Variants in RTN1 observed in about 807,000 individuals in gnomAD.
The protein encoded by RTN1 is reticulon-1.
Under a neutral mutation model 65.5 loss-of-function variants are expected in RTN1, and 25 were observed. The observed-to-expected ratio is 0.38, with a 90% confidence interval of 0.28 to 0.53. The LOEUF is 0.53. RTN1 is among the 20% of genes least tolerant of loss of function. RTN1 has a pLI of 0.79. For synonymous variants in RTN1, 471 were observed against 447.6 expected, an observed-to-expected ratio of 1.05 and a Z score of -0.66; for missense variants, 983 against 1,025.4, an observed-to-expected ratio of 0.96 and a Z score of 0.57.
chr14:59,745,719 G>A lies in RTN1; in HGVS notation c.1004C>T (p.Ser335Phe). The A allele has an allele frequency of 1.2e-6, 2 of 1,603,490 alleles. No individual in the cohort carries two copies. Among genetic ancestry groups the A allele is most frequent in the Non-Finnish European group, 8.5e-7 (1 of 1,176,236 alleles). ...DDSPGSITPP[S>F]SGTEPSAAES... ...AACAGGGCCTTTACCTGTTCCAGAAGATGGAGGGGTGATAGATCCTGGGCT... is the reference window on the plus strand; with the variant it reads ...AACAGGGCCTTTACCTGTTCCAGAAAATGGAGGGGTGATAGATCCTGGGCT... Residue 335 changes from serine to phenylalanine, a missense_variant, in exon 2 of 9, where the codon TCT becomes TTT. Around this residue, in one of 2 missense-constraint regions of RTN1, gnomAD observed 818 missense variants for 801.8 expected, o/e 1.02. Coordinates refer to ENST00000267484, the MANE Select transcript of RTN1 (RefSeq NM_021136.3).
In RTN1 at chr14:59,794,304, A is replaced by C. The variant is rs1398172396; in HGVS notation, c.242-47823T>G. Among the ~76,000 whole-genome samples the C allele has an allele frequency of 6.6e-6, 1 of 152,208 alleles. No homozygotes were observed. Among genetic ancestry groups the C allele is most frequent in the African/African-American group, 2.4e-5 (1 of 41,462 alleles). ...TTGAGTGTTAACAGAAACACGTCTAACCCAAGTATATTGTTAACTTATAGA... is the reference window on the plus strand; with the variant it reads ...TTGAGTGTTAACAGAAACACGTCTACCCCAAGTATATTGTTAACTTATAGA... On this transcript the variant is annotated intron_variant, in intron 1 of 8. Transcript: ENST00000267484. This position sits in a 1 kb window ranked among gnomAD's most constrained non-coding sequence, Gnocchi z 5.1.
intron 8 of RTN1, among the ~76,000 whole-genome samples, chr14:59,597,498 G>A (rs755706632): frequency 1.4e-4 from 21 of 152,224 alleles, no homozygotes; most frequent in Non-Finnish European, 8.8e-5. Context: ...AGCTTATCGT[G>A]CAGATTTTGA....
At chr14:59,782,312 T>A (rs1295572942) in intron 1 of RTN1, among the ~76,000 whole-genome samples, 1 of 152,194 alleles carries the variant, frequency 6.6e-6, no homozygotes, top group Non-Finnish European at 1.5e-5. Context: ...ATGAAGGCAT[T>A]GTTACTGGAA....
intron 3 of RTN1, among the ~76,000 whole-genome samples, chr14:59,626,786 A>G (rs1882412039): frequency 6.6e-6 from 1 of 152,250 alleles, no homozygotes; most frequent in Non-Finnish European, 1.5e-5. Context: ...GCAGGTATGT[A>G]ACAAGAACTT....
intron 3 of RTN1, among the ~76,000 whole-genome samples, chr14:59,654,432 G>GGA (rs370396777): frequency 0.41 from 44,868 of 108,548 alleles, 8,227 homozygotes; most frequent in African/African-American, 0.53. Flanking sequence ...CTGTCTCTGT[G>GGA]AAAAAAAAAA....
intron 3 of RTN1, among the ~76,000 whole-genome samples, chr14:59,628,035 A>T (rs1882447221): frequency 6.6e-6 from 1 of 151,624 alleles, no homozygotes; most frequent in African/African-American, 2.4e-5. Context: ...TTGGCTCACT[A>T]AGAATTATTA....
chr14:59,716,184 A>G (rs1158347544), intron 3 of RTN1, among the ~76,000 whole-genome samples: 1 of 152,246 alleles, frequency 6.6e-6, no homozygotes, highest in Admixed American at 6.5e-5. Context: ...AACTTGCCAT[A>G]GAGAACATTT....
chr14:59,741,800 C>T (rs1489248020), intron 2 of RTN1, among the ~76,000 whole-genome samples: 3 of 152,148 alleles, frequency 2.0e-5, no homozygotes, highest in Non-Finnish European at 2.9e-5. Context: ...TGCTATTCCC[C>T]CACACCTGAG....
chr14:59,861,844 AT>A (rs1427787763), intron 1 of RTN1, among the ~76,000 whole-genome samples: 4 of 152,124 alleles, frequency 2.6e-5, no homozygotes, highest in Admixed American at 2.0e-4. Context: ...TATCTCTCAA[AT>A]GGCATGTTTT....
At chr14:59,864,264 C>T (rs1037026669) in intron 1 of RTN1, among the ~76,000 whole-genome samples, 2 of 152,158 alleles carry the variant, frequency 1.3e-5, no homozygotes, top group Non-Finnish European at 2.9e-5. Context: ...CTCCACCTCA[C>T]TGCTCTTCCT....
chr14:59,624,488 G>A (rs570492841), intron 3 of RTN1, among the ~76,000 whole-genome samples: 12 of 150,010 alleles, frequency 8.0e-5, no homozygotes, highest in Admixed American at 4.0e-4. Flanking sequence ...TTGAGACGGC[G>A]TCTTGCTCTG....
chr14:59,771,894 C>A (rs1048068047), intron 1 of RTN1, among the ~76,000 whole-genome samples: 2 of 152,164 alleles, frequency 1.3e-5, no homozygotes, highest in Non-Finnish European at 2.9e-5. Context: ...AGTTATTAGA[C>A]AATTAGATAC....
At chr14:59,693,932 T>C (rs1229597513) in intron 3 of RTN1, among the ~76,000 whole-genome samples, 1 of 152,202 alleles carries the variant, frequency 6.6e-6, no homozygotes. Flanking sequence ...AGCCTGCTGC[T>C]CCACGGCAGC....
chr14:59,703,479 T>C (rs905096440), intron 3 of RTN1, among the ~76,000 whole-genome samples: 2 of 152,194 alleles, frequency 1.3e-5, no homozygotes, highest in Non-Finnish European at 2.9e-5. Flanking sequence ...CATCTTCTGA[T>C]TGGAAGCTTC....
At position 59,790,892 on chromosome 14, in the gene RTN1, C is replaced by T. The variant is rs1368759328; in HGVS notation, c.242-44411G>A. On this transcript the variant is annotated intron_variant, in intron 1 of 8. Transcript: ENST00000267484. This position sits in a 1 kb window ranked among gnomAD's most constrained non-coding sequence, Gnocchi z 4.1. ...TCACTGATTATTTGAAGCCTTTCTT[C>T]CAAGTCATTATTTCAGGTTTTCTTC... is the stretch of plus-strand genomic sequence containing the variant. 6.6e-6 allele frequency among the ~76,000 whole-genome samples: 1 copy of T among 152,068 alleles called. No homozygotes were observed. Among genetic ancestry groups the T allele is most frequent in the East Asian group, 1.9e-4 (1 of 5,194 alleles).
chr14:59,733,110 G>C (rs1884935593), intron 2 of RTN1, among the ~76,000 whole-genome samples: 1 of 140,060 alleles, frequency 7.1e-6, no homozygotes, highest in South Asian at 2.3e-4. Flanking sequence ...TCTTTCTTTT[G>C]AGGCAGAGTC....
intron 2 of RTN1, among the ~76,000 whole-genome samples, chr14:59,728,638 G>T (rs1351173021): frequency 1.3e-5 from 2 of 152,130 alleles, no homozygotes; most frequent in African/African-American, 4.8e-5. Flanking sequence ...ATCTTAGTGG[G>T]ATCTGGTCCT....
In RTN1 at chr14:59,745,897, G is replaced by C. The variant is rs1885208633; in HGVS notation, c.826C>G (p.Gln276Glu). 1 of 1,614,114 alleles carries C rather than the reference G, an allele frequency of 6.2e-7. No homozygotes were observed. Among genetic ancestry groups the C allele is most frequent in the Non-Finnish European group, 8.5e-7 (1 of 1,180,022 alleles). Reference protein sequence around the residue: ...DLSEEQRRAPQITTPVKITLT... With the variant: ...DLSEEQRRAPEITTPVKITLT... ...GTGATTTTGACAGGGGTGGTGATCTGAGGAGCCCTGCGCTGTTCTTCAGAG... is the reference window on the plus strand; with the variant it reads ...GTGATTTTGACAGGGGTGGTGATCTCAGGAGCCCTGCGCTGTTCTTCAGAG... The change falls in exon 2 of 9, where the codon CAG (glutamine) becomes GAG (glutamate). Residue 276 changes from glutamine to glutamate, a missense_variant. By Grantham distance (29) the Gln-to-Glu change is conservative (BLOSUM62 2). Coordinates refer to ENST00000267484, the MANE Select transcript of RTN1 (RefSeq NM_021136.3).
chr14:59,695,269 G>A (rs1884040021), intron 3 of RTN1, among the ~76,000 whole-genome samples: 1 of 152,116 alleles, frequency 6.6e-6, no homozygotes, highest in Non-Finnish European at 1.5e-5. Context: ...TGATAAGAAA[G>A]TGATAGAAAG....
Sources: gnomAD v4.1 joint callset for allele counts (sites outside exome capture counted in the v4.1 genomes callset) on GRCh38, gnomAD v4.1.1 for gene constraint, gnomAD v4.1.1 regional missense constraint, Gnocchi (gnomAD v3.1) non-coding constraint, MANE v1.5 for transcripts, NCBI Gene and HGNC (gene_info 2026-07-23, HGNC 2026-07-21) for gene names.